The following SLC39A6 variants were observed in gnomAD, a reference collection of about 807,000 sequenced individuals.
SLC39A6 encodes zinc transporter ZIP6.
SLC39A6 carries 51 observed loss-of-function variants against 63.5 expected under a neutral mutation model. The ratio of observed to expected loss-of-function variants is 0.80; its 90% CI spans 0.64 to 1.01. SLC39A6 has a LOEUF of 1.01. Among genes scored for constraint, SLC39A6 ranks in the 50% least tolerant of loss-of-function variants. The pLI, the probability that SLC39A6 is intolerant of heterozygous loss-of-function variation, is 0.00. For missense variants in SLC39A6, 805 were observed against 927.8 expected, an observed-to-expected ratio of 0.87 and a Z score of 1.72; for synonymous variants, 318 against 324.7, an observed-to-expected ratio of 0.98 and a Z score of 0.22.
chr18:36,114,501 G>T (rs2144500493), intron 6 of SLC39A6, 27 bp from the exon 7 acceptor site: 1 of 1,563,466 alleles, frequency 6.4e-7, no homozygotes, highest in East Asian at 2.2e-5. Flanking sequence ...AGGGCATGGG[G>T]ACAGTTAGAA....
At chr18:36,112,606 G>A (rs1357334528) in intron 7 of SLC39A6, 25 bp from the exon 8 acceptor site, 1 of 1,575,784 alleles carries the variant, frequency 6.3e-7, no homozygotes, top group Middle Eastern at 1.7e-4. Flanking sequence ...ATCAGAAAAA[G>A]TTTGGCTACA....
At position 36,126,583 on chromosome 18, in the gene SLC39A6, C is replaced by G; in HGVS notation, c.425G>C (p.Arg142Pro). 1 of 1,614,084 alleles carries G rather than the reference C, an allele frequency of 6.2e-7. No individual in the cohort carries two copies. The highest frequency in any genetic ancestry group is 8.5e-7 in the Non-Finnish European group (1 of 1,180,016). The part of the protein sequence containing the change: ...HNHAASGKNK[R>P]KALCPDHDSD... ...GTCATGGTCTGGGCAAAGAGCTTTT[C>G]GCTTATTTTTACCAGAAGCAGCATG... is the stretch of plus-strand genomic sequence containing the variant. The change falls in exon 2 of 10, where the codon CGA (arginine) becomes CCA (proline). Residue 142 changes from arginine to proline, a missense_variant. Physicochemically the swap from Arg to Pro is moderately radical, Grantham distance 103. Around this residue, in one of 4 missense-constraint regions of SLC39A6, gnomAD observed 639 missense variants for 644.0 expected, o/e 0.99. Coordinates refer to ENST00000269187, the MANE Select transcript of SLC39A6 (RefSeq NM_012319.4).
chr18:36,123,526 C>T lies in SLC39A6; in HGVS notation c.1109G>A (p.Ser370Asn). Residue 370 changes from serine (S) to asparagine (N), a missense_variant, in exon 4 of 10, where the codon AGT becomes AAT. This residue lies in a region of SLC39A6 where 639 missense variants were observed against 644.0 expected (regional missense o/e 0.99). Transcript: ENST00000269187. Reference protein sequence around the residue: ...FLVALAVGTLSGDAFLHLLPH... With the variant: ...FLVALAVGTLNGDAFLHLLPH... ...AAGAAGGTGTAAAAAAGCATCACCA[C>T]TCAAAGTCCCAACGGCCAGTGCCAC... 6.2e-7 allele frequency: 1 copy of T among 1,612,632 alleles called. No homozygotes were observed. The highest frequency in any genetic ancestry group is 8.5e-7 in the Non-Finnish European group (1 of 1,179,670).
chr18:36,110,914 T>G (rs2089294880), intron 9 of SLC39A6, 145 bp downstream of exon 9: 6 of 1,315,722 alleles, frequency 4.6e-6, no homozygotes, highest in Middle Eastern at 2.7e-4. Flanking sequence ...TCATTTGGGC[T>G]CAGGAATTTG....
In SLC39A6 at chr18:36,109,593, C is replaced by A. The variant is rs2144495204; in HGVS notation, c.2268G>T (p.Ter756TyrextTer6). ...AGCTACTCTAGCATTTAAACCTTAA[C>A]TAGAAATTTATACGAAACACGATTT... is the stretch of plus-strand genomic sequence containing the variant. ...EHKIVFRINF[*>Y] Residue 756 changes from the stop codon to tyrosine, a stop_lost, in exon 10 of 10, where the codon TAG becomes TAT. Transcript: ENST00000269187. 1 of 1,604,608 alleles carries A rather than the reference C, an allele frequency of 6.2e-7. No individual in the cohort carries two copies. The highest frequency in any genetic ancestry group is 2.2e-5 in the East Asian group (1 of 44,780).
chr18:36,122,052 C>CT lies in SLC39A6; in HGVS notation c.1358dup (p.Asn454GlufsTer6). On this transcript the variant is annotated frameshift_variant and splice_region_variant, in exon 5 of 10. Transcript: ENST00000269187. LOFTEE classifies it high-confidence loss of function. ...AAGTACTCGGTATACTTTTTCTTAC[C>CT]TTTTTCTTCTTATCTTTAAATTGTT... The CT allele has an allele frequency of 6.3e-7, 1 of 1,598,912 alleles. No homozygotes were observed. The highest frequency in any genetic ancestry group is 1.7e-4 in the Middle Eastern group (1 of 6,010).
chr18:36,124,339 T>A (rs1373914493), intron 3 of SLC39A6, among the ~76,000 whole-genome samples, 181 bp downstream of exon 3: 1 of 151,054 alleles, frequency 6.6e-6, no homozygotes, highest in African/African-American at 2.5e-5. Flanking sequence ...TTTTCTGGGA[T>A]TTTTTTTTAA....
intron 3 of SLC39A6, 90 bp downstream of exon 3, chr18:36,124,430 G>T: frequency 2.5e-6 from 2 of 813,624 alleles, no homozygotes; most frequent in Non-Finnish European, 3.7e-6. Flanking sequence ...GAATTGTACT[G>T]GAAAACAAAT....
chr18:36,114,753 C>T (rs941447503), intron 6 of SLC39A6, among the ~76,000 whole-genome samples: 1 of 152,172 alleles, frequency 6.6e-6, no homozygotes, highest in African/African-American at 2.4e-5. Flanking sequence ...TGCCTCCCTA[C>T]CTTTTTAAAA....
Position 36,109,818 on chromosome 18 carries a change from T to A in SLC39A6, c.2116-73A>T, listed in dbSNP as rs1433638306. 6.5e-6 allele frequency: 8 copies of A among 1,229,612 alleles called. No individual in the cohort carries two copies. The East Asian group carries it at 1.2e-4, about 18-fold the overall frequency. The allele number at this position is 1,229,612 out of a possible 1,614,324, so 76.2% of individuals were successfully genotyped here. The stretch of plus-strand genomic sequence containing the variant: ...AACTACAGATTAGTTTTTAGAAAAA[T>A]TTATAGGACAGTATACTAGCTTTAT... On this transcript the variant is annotated intron_variant, in intron 9 of 9. Transcript: ENST00000269187.
intron 1 of SLC39A6, 105 bp from the exon 2 acceptor site, chr18:36,127,121 A>G (rs1022449158): frequency 2.5e-5 from 26 of 1,028,954 alleles, no homozygotes; most frequent in Non-Finnish European, 3.5e-5. Flanking sequence ...CAAAGTTGCC[A>G]GAGCATCATG....
At chr18:36,128,414 T>C (rs186430231) in intron 1 of SLC39A6, among the ~76,000 whole-genome samples, 54 of 152,194 alleles carry the variant, frequency 3.5e-4, no homozygotes, top group African/African-American at 1.2e-3. Flanking sequence ...GGAAAACACA[T>C]GAAGGAATGT....
intron 1 of SLC39A6, among the ~76,000 whole-genome samples, chr18:36,128,494 T>C (rs1463802103): frequency 2.0e-5 from 3 of 152,168 alleles, no homozygotes; most frequent in Non-Finnish European, 4.4e-5. Flanking sequence ...CAGTGGGAAA[T>C]GGAGGTACGG....
chr18:36,125,596 CT>C (rs59134445), intron 2 of SLC39A6, among the ~76,000 whole-genome samples: 140 of 148,042 alleles, frequency 9.5e-4, no homozygotes, highest in African/African-American at 2.5e-3. Flanking sequence ...TTCCTTGTTC[CT>C]TTTTTTTTTG....
At position 36,111,104 on chromosome 18, in the gene SLC39A6, A is replaced by G. The variant is rs2089296212; in HGVS notation, c.2070T>C (p.Phe690=). Residue 690 remains phenylalanine (F), a synonymous_variant, in exon 9 of 10, where the codon TTT becomes TTC. Transcript: ENST00000269187. ...ACATGAATAAGCCAGCAGTAAGTGC[A>G]AATATCCACATAGAAACATTTTCAG... is the stretch of plus-strand genomic sequence containing the variant. ...HYAENVSMWI[F]ALTAGLFMYV... is the part of the protein sequence containing the mutation. 1 of 1,614,126 alleles carries G rather than the reference A, an allele frequency of 6.2e-7. No individual in the cohort carries two copies. The highest frequency in any genetic ancestry group is 1.7e-5 in the Admixed American group (1 of 60,014).
At position 36,126,456 on chromosome 18, in the gene SLC39A6, A is replaced by T. The variant is rs2089438216; in HGVS notation, c.552T>A (p.Ala184=). 1 of 1,614,104 alleles carries T rather than the reference A, an allele frequency of 6.2e-7. No homozygotes were observed. The highest frequency in any genetic ancestry group is 8.5e-7 in the Non-Finnish European group (1 of 1,180,018). The part of the protein sequence containing the change: ...GRRNVKDSVS[A]SEVTSTVYNT... ...TGTACACAGTTGAGGTCACTTCACT[A>T]GCACTAACACTGTCCTTGACATTCC... Residue 184 remains alanine, a synonymous_variant, in exon 2 of 10, where the codon GCT becomes GCA. Coordinates refer to ENST00000269187, the MANE Select transcript of SLC39A6 (RefSeq NM_012319.4).
At chr18:36,117,840 G>GCTA in intron 5 of SLC39A6, among the ~76,000 whole-genome samples, 1 of 152,192 alleles carries the variant, frequency 6.6e-6, no homozygotes, top group South Asian at 2.1e-4. Context: ...GACCATCCTG[G>GCTA]CTAACATGGT....
At chr18:36,120,528 C>T (rs1422925568) in intron 5 of SLC39A6, among the ~76,000 whole-genome samples, 1 of 152,208 alleles carries the variant, frequency 6.6e-6, no homozygotes, top group African/African-American at 2.4e-5. Flanking sequence ...TTGTTTCCCA[C>T]AGTGAGCTCT....
chr18:36,120,671 G>T (rs779135865), intron 5 of SLC39A6, among the ~76,000 whole-genome samples: 5 of 151,958 alleles, frequency 3.3e-5, no homozygotes, highest in Non-Finnish European at 7.4e-5. Flanking sequence ...TCTTTTTTGG[G>T]GGGTAGAGAC....
Sources: gnomAD v4.1 joint callset for allele counts (sites outside exome capture counted in the v4.1 genomes callset) on GRCh38, gnomAD v4.1.1 for gene constraint, gnomAD v4.1.1 regional missense constraint, MANE v1.5 for transcripts, NCBI Gene and HGNC (gene_info 2026-07-23, HGNC 2026-07-21) for gene names.